ANKRD42: variants seen among roughly 807,000 people sequenced by gnomAD.
The protein encoded by ANKRD42 is ankyrin repeat domain-containing protein 42.
ANKRD42 carries 43 observed loss-of-function variants against 51.5 expected under a neutral mutation model. The observed-to-expected ratio is 0.83, with a 90% CI of 0.65 to 1.08. ANKRD42 has a LOEUF of 1.08. Among genes scored for constraint, ANKRD42 ranks in the 50% least tolerant of loss-of-function variants. The pLI is 0.00. For synonymous variants in ANKRD42, 203 were observed against 213.0 expected, an observed-to-expected ratio of 0.95 and a Z score of 0.41; for missense variants, 608 against 629.3, an observed-to-expected ratio of 0.97 and a Z score of 0.36.
rs115021088 is a variant in ANKRD42, at chr11:83,242,981, A to C, written c.1195+2047A>C. Among the ~76,000 whole-genome samples the C allele has an allele frequency of 1.3e-3, 196 of 152,300 alleles. 1 individual carries two copies. Among genetic ancestry groups the C allele is most frequent in the African/African-American group, 4.2e-3 (176 of 41,562 alleles). ...GCATGTGTCTTTATAGTTTGAATAT[A>C]GTGTGAATATAGTATGAATATAGTG... On this transcript the variant is annotated intron_variant, in intron 9 of 10. Coordinates refer to ENST00000533342, the MANE Select transcript of ANKRD42 (RefSeq NM_001300975.2).
chr11:83,236,866 T>C (rs1863240458), intron 8 of ANKRD42, among the ~76,000 whole-genome samples: 1 of 152,242 alleles, frequency 6.6e-6, no homozygotes, highest in Admixed American at 6.5e-5. Flanking sequence ...CCCATCCAAA[T>C]GCCTGTAGCA....
intron 4 of ANKRD42, among the ~76,000 whole-genome samples, chr11:83,210,781 A>C (rs17144846): frequency 0.022 from 3,307 of 152,286 alleles, 114 homozygotes; most frequent in African/African-American, 0.075. Context: ...CTCTTACTTC[A>C]TATAGTGATT....
intron 3 of ANKRD42, among the ~76,000 whole-genome samples, chr11:83,207,214 T>C (rs1400353445): frequency 6.6e-6 from 1 of 152,058 alleles, no homozygotes; most frequent in Non-Finnish European, 1.5e-5. Flanking sequence ...TAGCATGGGG[T>C]AACCACCCCC....
downstream of ANKRD42, among the ~76,000 whole-genome samples, chr11:83,249,246 C>T (rs1043827008): frequency 6.6e-5 from 10 of 152,148 alleles, no homozygotes; most frequent in African/African-American, 2.4e-4. Context: ...GCTCTTGTCA[C>T]CCATACTTCA....
intron 4 of ANKRD42, among the ~76,000 whole-genome samples, chr11:83,210,882 A>C (rs541403587): frequency 1.1e-4 from 16 of 152,368 alleles, no homozygotes; most frequent in African/African-American, 3.8e-4. Flanking sequence ...AGAAGAAGAG[A>C]ACTAAATATA....
intron 3 of ANKRD42, among the ~76,000 whole-genome samples, chr11:83,208,398 T>C (rs1465845624): frequency 6.6e-6 from 1 of 152,112 alleles, no homozygotes; most frequent in Non-Finnish European, 1.5e-5. Flanking sequence ...TATGTTTGTA[T>C]ATATATTTAC....
At chr11:83,222,958 G>A (rs113751967) in intron 5 of ANKRD42, among the ~76,000 whole-genome samples, 1,822 of 152,180 alleles carry the variant, frequency 0.012, 38 homozygotes, top group African/African-American at 0.041. Context: ...TGTTTAAAGG[G>A]ATCATTTTGA....
chr11:83,243,659 G>GTATT (rs1386945989), intron 9 of ANKRD42, among the ~76,000 whole-genome samples: 22 of 152,256 alleles, frequency 1.4e-4, no homozygotes, highest in Middle Eastern at 3.4e-3. Flanking sequence ...ATGTATGTAT[G>GTATT]TATTTATTTA....
In ANKRD42 at chr11:83,240,882, T is replaced by A. The variant is rs1356350662; in HGVS notation, c.1143T>A (p.Thr381=). ...YFIRHGVEGS[T]DAKDDLCLSD... is the part of the protein sequence containing the mutation. Reference sequence around the variant, plus strand: ...TAAGACATGGTGTTGAGGGAAGCACTGATGCCAAGGATGATTTATGTCTGA... The same window carrying A: ...TAAGACATGGTGTTGAGGGAAGCACAGATGCCAAGGATGATTTATGTCTGA... The change falls in exon 9 of 11, where the codon ACT becomes ACA. Residue 381 remains threonine (T), a synonymous_variant. Transcript: ENST00000533342. 2.5e-6 allele frequency: 4 copies of A among 1,613,974 alleles called. No individual in the cohort carries two copies. Among genetic ancestry groups the A allele is most frequent in the Non-Finnish European group, 3.4e-6 (4 of 1,179,974 alleles).
At chr11:83,212,845 A>G (rs1010764764) in intron 5 of ANKRD42, 1 of 1,428,752 alleles carries the variant, frequency 7.0e-7, no homozygotes, top group Non-Finnish European at 9.2e-7. Flanking sequence ...AACTCTTTCA[A>G]TTTTTGTGTA....
downstream of ANKRD42, among the ~76,000 whole-genome samples, chr11:83,263,496 C>T (rs1864053996): frequency 6.6e-6 from 1 of 152,158 alleles, no homozygotes. Flanking sequence ...TGAGCATATG[C>T]CTGGTACATT....
At chr11:83,260,404 AAATT>A (rs1863874651), downstream of ANKRD42, 1 of 152,204 alleles carries the variant, frequency 6.6e-6, no homozygotes, top group Non-Finnish European at 1.5e-5. Flanking sequence ...GACTCAGTGA[AAATT>A]AATCTATAAT....
chr11:83,212,577 C>A lies in ANKRD42; in HGVS notation c.586+1147C>A, dbSNP rs11233526. 5,290 of 1,195,920 alleles carry A rather than the reference C, an allele frequency of 4.4e-3. 148 individuals carry two copies. In the African/African-American group the frequency reaches 0.066, roughly 15 times the overall value. The allele number at this position is 1,195,920 out of a possible 1,614,324, so 74.1% of individuals were successfully genotyped here. ...GAGTGAAAATGATACTTAAATGATA[C>A]CTTAAAGAAACAAACACACAAAGGG... On this transcript the variant is annotated intron_variant, in intron 5 of 10. Coordinates refer to ENST00000533342, the MANE Select transcript of ANKRD42 (RefSeq NM_001300975.2).
intron 3 of ANKRD42, 174 bp from the exon 4 acceptor site, chr11:83,210,126 T>A: frequency 1.8e-6 from 1 of 543,532 alleles, no homozygotes; most frequent in Non-Finnish European, 3.0e-6. Flanking sequence ...AAAACAAACA[T>A]TTTCTTAGCA....
chr11:83,228,225 CT>C (rs571519186), intron 7 of ANKRD42, among the ~76,000 whole-genome samples: 2 of 47,564 alleles, frequency 4.2e-5, no homozygotes, highest in South Asian at 1.4e-3. Flanking sequence ...TCATCCCTCT[CT>C]CTCTCTTTTT....
At chr11:83,214,269 G>A in intron 5 of ANKRD42, 2 of 222,742 alleles carry the variant, frequency 9.0e-6, no homozygotes, top group Non-Finnish European at 1.5e-5. Flanking sequence ...CCTATTTTGT[G>A]ATCATGAAGA....
At chr11:83,241,606 A>G (rs1863389670) in intron 9 of ANKRD42, among the ~76,000 whole-genome samples, 2 of 152,208 alleles carry the variant, frequency 1.3e-5, no homozygotes, top group Non-Finnish European at 2.9e-5. Flanking sequence ...AGAATCCCTA[A>G]GGAAGTGGCG....
chr11:83,243,217 A>G (rs1053986038), intron 9 of ANKRD42, among the ~76,000 whole-genome samples: 2 of 152,088 alleles, frequency 1.3e-5, no homozygotes, highest in African/African-American at 4.8e-5. Flanking sequence ...GCATTTCTCT[A>G]ATGATTCCTG....
At chr11:83,217,811 C>T (rs147011035) in intron 5 of ANKRD42, among the ~76,000 whole-genome samples, 5,286 of 152,308 alleles carry the variant, frequency 0.035, 228 homozygotes, top group African/African-American at 0.097. Flanking sequence ...TGATAACAAG[C>T]CCTACTAGGC....
Sources: gnomAD v4.1 joint callset for allele counts (sites outside exome capture counted in the v4.1 genomes callset) on GRCh38, gnomAD v4.1.1 for gene constraint, MANE v1.5 for transcripts, NCBI Gene and HGNC (gene_info 2026-07-23, HGNC 2026-07-21) for gene names.